HCRTR2: variants seen among roughly 807,000 people sequenced by gnomAD.
The protein encoded by HCRTR2 is orexin receptor type 2.
A neutral mutation model predicts 49.0 loss-of-function variants in HCRTR2; 22 were observed. The observed-to-expected ratio is 0.45, with a 90% CI of 0.32 to 0.64. The LOEUF is 0.64. HCRTR2 is among the 30% of genes least tolerant of loss of function. HCRTR2 has a pLI of 0.04. For synonymous variants in HCRTR2, 236 were observed against 205.3 expected (o/e 1.15, Z -1.28); for missense variants, 491 against 559.4 (o/e 0.88, Z 1.23).
At chr6:55,135,235 A>G (rs557944897) in intron 1 of HCRTR2, among the ~76,000 whole-genome samples, 4 of 152,262 alleles carry the variant, frequency 2.6e-5, no homozygotes, top group Middle Eastern at 6.8e-3. Context: ...GTCTCATGCT[A>G]GAGTATCCAG....
At chr6:55,223,437 A>C (rs1765937408) in intron 1 of HCRTR2, among the ~76,000 whole-genome samples, 1 of 152,174 alleles carries the variant, frequency 6.6e-6, no homozygotes, top group Admixed American at 6.5e-5. Flanking sequence ...ATCCTGAAGT[A>C]ATTTTTAACA....
intron 6 of HCRTR2, among the ~76,000 whole-genome samples, chr6:55,281,807 G>A (rs9475225): frequency 0.021 from 3,222 of 152,184 alleles, 105 homozygotes; most frequent in African/African-American, 0.073. Flanking sequence ...CAGTTATTTA[G>A]AGTAAAATGC....
chr6:55,173,550 T>C (rs1423464222), upstream of HCRTR2, among the ~76,000 whole-genome samples: 1 of 152,188 alleles, frequency 6.6e-6, no homozygotes, highest in South Asian at 2.1e-4. Flanking sequence ...GCAGGTGACA[T>C]CAGCCCTGAA....
chr6:55,221,609 C>G (rs61006026), intron 1 of HCRTR2, among the ~76,000 whole-genome samples: 53 of 151,760 alleles, frequency 3.5e-4, no homozygotes, highest in African/African-American at 1.1e-3. Context: ...GTCAGAAGAT[C>G]GAGACCATCC....
chr6:55,202,109 A>G (rs568411719), intron 1 of HCRTR2, among the ~76,000 whole-genome samples: 1 of 152,312 alleles, frequency 6.6e-6, no homozygotes, highest in Admixed American at 6.5e-5. Flanking sequence ...ATTTGGAAAG[A>G]AGAGAATAGA....
At chr6:55,199,458 A>G (rs757182061) in intron 1 of HCRTR2, among the ~76,000 whole-genome samples, 1 of 152,070 alleles carries the variant, frequency 6.6e-6, no homozygotes, top group Non-Finnish European at 1.5e-5. Context: ...TTTTCTTTCT[A>G]ATTCATTAAT....
chr6:55,190,667 A>G (rs1765300730), intron 1 of HCRTR2, among the ~76,000 whole-genome samples: 1 of 152,198 alleles, frequency 6.6e-6, no homozygotes, highest in Non-Finnish European at 1.5e-5. Context: ...ATTCTTTTTT[A>G]CAGATTATTT....
chr6:55,126,340 C>T (rs1353040545), intron 1 of HCRTR2, among the ~76,000 whole-genome samples: 1 of 152,002 alleles, frequency 6.6e-6, no homozygotes, highest in East Asian at 1.9e-4. Flanking sequence ...GTTAGTTTTC[C>T]TTCTAACAGT....
At chr6:55,186,155 C>T (rs1765213153) in intron 1 of HCRTR2, among the ~76,000 whole-genome samples, 1 of 151,808 alleles carries the variant, frequency 6.6e-6, no homozygotes, top group African/African-American at 2.4e-5. Context: ...CATTTTTTTT[C>T]CTGTTTGCCA....
upstream of HCRTR2, among the ~76,000 whole-genome samples, chr6:55,170,490 G>T (rs1357003117): frequency 2.6e-5 from 4 of 151,792 alleles, no homozygotes; most frequent in African/African-American, 9.7e-5. Context: ...ATTTTGAAAT[G>T]TACATTGATG....
intron 1 of HCRTR2, among the ~76,000 whole-genome samples, chr6:55,178,289 G>A (rs1352031600): frequency 6.6e-6 from 1 of 151,856 alleles, no homozygotes; most frequent in East Asian, 1.9e-4. Flanking sequence ...GTTTCATCTG[G>A]TATGCTTCTG....
intron 1 of HCRTR2, among the ~76,000 whole-genome samples, chr6:55,190,105 T>C (rs1186321839): frequency 6.6e-6 from 1 of 151,832 alleles, no homozygotes; most frequent in Admixed American, 6.5e-5. Flanking sequence ...CTGGAGTAAT[T>C]AAAAGCATAC....
intron 1 of HCRTR2, among the ~76,000 whole-genome samples, chr6:55,215,863 A>G (rs970854211): frequency 6.6e-6 from 1 of 152,220 alleles, no homozygotes; most frequent in African/African-American, 2.4e-5. Context: ...GTCCATTTTT[A>G]TTTTGCTATA....
At chr6:55,280,216 C>T in intron 5 of HCRTR2, 107 bp from the exon 6 acceptor site, 1 of 749,136 alleles carries the variant, frequency 1.3e-6, no homozygotes. Flanking sequence ...GTGGTCAATT[C>T]CTGCAACTGA....
intron 1 of HCRTR2, among the ~76,000 whole-genome samples, chr6:55,213,707 T>A (rs1765735673): frequency 6.6e-6 from 1 of 152,128 alleles, no homozygotes; most frequent in Non-Finnish European, 1.5e-5. Flanking sequence ...ATGTACCATA[T>A]GTCTAATATT....
intron 1 of HCRTR2, among the ~76,000 whole-genome samples, chr6:55,203,162 C>G (rs1765540287): frequency 6.6e-6 from 1 of 152,060 alleles, no homozygotes; most frequent in Non-Finnish European, 1.5e-5. Flanking sequence ...TTTATTAAAA[C>G]TCAATAAAGG....
At chr6:55,147,169 A>G (rs866210640) in intron 1 of HCRTR2, among the ~76,000 whole-genome samples, 2 of 152,292 alleles carry the variant, frequency 1.3e-5, no homozygotes, top group South Asian at 4.1e-4. Context: ...ATATTCAGTT[A>G]TTATAAATAC....
At chr6:55,163,502 C>A (rs1764835664) in intron 1 of HCRTR2, among the ~76,000 whole-genome samples, 1 of 152,060 alleles carries the variant, frequency 6.6e-6, no homozygotes. Flanking sequence ...TTTTGACAAA[C>A]CTGACAAAAA....
At chr6:55,171,308 A>G (rs1026676877), upstream of HCRTR2, among the ~76,000 whole-genome samples, 2 of 152,148 alleles carry the variant, frequency 1.3e-5, no homozygotes, top group Admixed American at 6.6e-5. Context: ...GAAAATATCA[A>G]TTCATTTAAT....
Sources: allele counts gnomAD v4.1 joint callset (sites outside exome capture counted in the v4.1 genomes callset), GRCh38; gene constraint gnomAD v4.1.1; transcripts MANE v1.5; gene names NCBI Gene and HGNC (gene_info 2026-07-23, HGNC 2026-07-21).